EDA: variants seen among roughly 807,000 people sequenced by gnomAD.
EDA encodes the protein ectodysplasin-A.
In EDA, 2 loss-of-function variants were observed where a neutral mutation model predicts 23.6. The ratio of observed to expected loss-of-function variants is 0.08; its 90% CI spans 0.03 to 0.27. EDA has a LOEUF of 0.27. Ranked by LOEUF, EDA falls within the 10% of genes least tolerant of loss-of-function variation. EDA has a pLI of 1.00. For synonymous variants in EDA, 131 were observed against 132.0 expected (o/e 0.99, Z 0.05); for missense variants, 229 against 324.2 (o/e 0.71, Z 2.26).
chrX:70,018,877 G>A (rs2019991788), intron 2 of EDA, among the ~76,000 whole-genome samples: 1 of 111,611 alleles, frequency 9.0e-6, no homozygotes, highest in African/African-American at 3.3e-5. Context: ...TAGCAAAACA[G>A]CAAAAGAAGC....
intron 1 of EDA, among the ~76,000 whole-genome samples, chrX:69,622,881 T>G: frequency 8.9e-6 from 1 of 111,893 alleles, no homozygotes; most frequent in East Asian, 2.8e-4. Flanking sequence ...TATGCTAAGA[T>G]ACAGAAACTA....
chrX:69,662,052 C>T (rs185470139), intron 1 of EDA, among the ~76,000 whole-genome samples: 85 of 111,299 alleles, frequency 7.6e-4, no homozygotes, highest in African/African-American at 2.6e-3. Context: ...TCATGTTGTA[C>T]ATTAGATCTC....
At chrX:70,027,156 A>G (rs1298908936) in intron 3 of EDA, among the ~76,000 whole-genome samples, 1 of 112,078 alleles carries the variant, frequency 8.9e-6, no homozygotes, top group Non-Finnish European at 1.9e-5. Context: ...TGGTAGAGAA[A>G]TTCTCATCCT....
intron 1 of EDA, among the ~76,000 whole-genome samples, chrX:69,735,820 A>G (rs1479183347): frequency 1.8e-5 from 2 of 111,588 alleles, no homozygotes; most frequent in Non-Finnish European, 3.8e-5. Flanking sequence ...TTTTGGGGCA[A>G]AGCTGCTGGA....
At chrX:69,979,092 C>G (rs1182708197) in intron 2 of EDA, among the ~76,000 whole-genome samples, 1 of 111,614 alleles carries the variant, frequency 9.0e-6, no homozygotes, top group Non-Finnish European at 1.9e-5. Context: ...CTGGTCACCT[C>G]TATTGTACTT....
chrX:69,695,442 A>G (rs2011300286), intron 1 of EDA, among the ~76,000 whole-genome samples: 1 of 111,144 alleles, frequency 9.0e-6, no homozygotes, highest in East Asian at 2.8e-4. Flanking sequence ...TAAAAGGCAA[A>G]TATAGAAACA....
At chrX:69,778,119 A>G (rs1456680855) in intron 1 of EDA, among the ~76,000 whole-genome samples, 1 of 111,794 alleles carries the variant, frequency 8.9e-6, no homozygotes, top group Non-Finnish European at 1.9e-5. Flanking sequence ...AACCTTCTGT[A>G]TAATCTTTAA....
intron 1 of EDA, among the ~76,000 whole-genome samples, chrX:69,688,149 C>T (rs1454909525): frequency 8.9e-6 from 1 of 111,793 alleles, no homozygotes; most frequent in Non-Finnish European, 1.9e-5. Flanking sequence ...GGTTGAGACT[C>T]AGCACCTCAT....
intron 1 of EDA, among the ~76,000 whole-genome samples, chrX:69,846,556 G>T (rs937698132): frequency 1.9e-4 from 21 of 111,190 alleles, no homozygotes; most frequent in Middle Eastern, 4.3e-3. Flanking sequence ...CGGCCTCCCA[G>T]AGTGCTGAGA....
At chrX:70,003,163 A>G (rs1290541331) in intron 2 of EDA, among the ~76,000 whole-genome samples, 1 of 111,893 alleles carries the variant, frequency 8.9e-6, no homozygotes, top group Non-Finnish European at 1.9e-5. Flanking sequence ...AGAAATGCAG[A>G]CAGGTGAAGT....
At chrX:69,711,066 G>A (rs2011999493) in intron 1 of EDA, among the ~76,000 whole-genome samples, 1 of 111,551 alleles carries the variant, frequency 9.0e-6, no homozygotes, top group Non-Finnish European at 1.9e-5. Context: ...TCGCTGTCTT[G>A]TGCCAGTTTT....
At chrX:69,910,959 C>A (rs2018258244) in intron 1 of EDA, among the ~76,000 whole-genome samples, 1 of 111,593 alleles carries the variant, frequency 9.0e-6, no homozygotes, top group South Asian at 3.8e-4. Flanking sequence ...TAGTTTTTTT[C>A]ATATGTTGAA....
In EDA at chrX:69,934,437, C is replaced by T. The variant is rs189552809; in HGVS notation, c.397-22590C>T. Among the ~76,000 whole-genome samples, 200 of 111,373 alleles carry T rather than the reference C, an allele frequency of 1.8e-3. 1 individual carries two copies. The highest frequency in any genetic ancestry group is 6.3e-3 in the African/African-American group (193 of 30,676). On this transcript the variant is annotated intron_variant, in intron 1 of 7. Transcript: ENST00000374552. ...ATTTTCAAACTTTTCTGTGATCCTA[C>T]AGGGCAGACCAACATCCTCCCAAGC...
chrX:69,632,902 T>C (rs1474709241), intron 1 of EDA, among the ~76,000 whole-genome samples: 1 of 111,898 alleles, frequency 8.9e-6, no homozygotes, highest in Non-Finnish European at 1.9e-5. Context: ...CTTGGATCTC[T>C]CTCAAACTTC....
At chrX:69,853,814 A>G (rs1407129096) in intron 1 of EDA, among the ~76,000 whole-genome samples, 1 of 111,555 alleles carries the variant, frequency 9.0e-6, no homozygotes, top group Non-Finnish European at 1.9e-5. Flanking sequence ...TTTGCGGGCC[A>G]TGTACAGTCT....
In EDA at chrX:69,616,192, C is replaced by T; in HGVS notation, c.-117C>T. The T allele has an allele frequency of 1.1e-6, 1 of 885,464 alleles. No individual in the cohort carries two copies. Among genetic ancestry groups the T allele is most frequent in the Non-Finnish European group, 1.6e-6 (1 of 643,469 alleles). 73.0% of individuals were successfully genotyped at this position (885,464 alleles called of 1,213,427 possible). The stretch of plus-strand genomic sequence containing the variant: ...CCGCCCAGCCACTGTCGCGCAGGAA[C>T]GGGTCCCTGCAGCCCCCAGCCGATG... On this transcript the variant is annotated 5_prime_UTR_variant, in exon 1 of 8. It adds an upstream start codon to the 5' untranslated region. Coordinates refer to ENST00000374552, the MANE Select transcript of EDA (RefSeq NM_001399.5).
rs1209915960 is a variant in EDA at position 69,888,983 on chromosome X, T to G, written c.397-68044T>G. Among the ~76,000 whole-genome samples the G allele has an allele frequency of 2.6e-4, 11 of 42,701 alleles. No individual in the cohort carries two copies. In the East Asian group the frequency reaches 4.1e-3, roughly 16 times the overall value. 37.1% of individuals were successfully genotyped at this position (42,701 alleles called of 115,157 possible). A position where few individuals can be genotyped will look rare whatever the true frequency, so the allele number is the denominator to read the frequency against. ...ATTGTTGTATTGTGGGGTAGTTATA[T>G]ATATATATATATATATATATATATA... On this transcript the variant is annotated intron_variant, in intron 1 of 7. Transcript: ENST00000374552.
chrX:69,754,805 A>G (rs1435272953), intron 1 of EDA, among the ~76,000 whole-genome samples: 1 of 111,516 alleles, frequency 9.0e-6, no homozygotes, highest in African/African-American at 3.3e-5. Flanking sequence ...CATTAATTTG[A>G]TCTTCAATCA....
chrX:69,667,119 CT>C (rs35090201), intron 1 of EDA, among the ~76,000 whole-genome samples: 2,081 of 86,280 alleles, frequency 0.024, 53 homozygotes, highest in African/African-American at 0.089. Flanking sequence ...TTTTCTTTTT[CT>C]TTTTTTTTTT....
Sources: allele counts gnomAD v4.1 joint callset (sites outside exome capture counted in the v4.1 genomes callset), GRCh38; gene constraint gnomAD v4.1.1; transcripts MANE v1.5; gene names NCBI Gene and HGNC (gene_info 2026-07-23, HGNC 2026-07-21).